Variants in EXOC6B observed in about 807,000 individuals in gnomAD.
EXOC6B encodes SEC15 homolog B.
EXOC6B carries 54 observed loss-of-function variants against 113.5 expected under a neutral mutation model. The ratio of observed to expected loss-of-function variants is 0.48; its 90% CI spans 0.38 to 0.60. EXOC6B has a LOEUF of 0.60. EXOC6B is among the 20% of genes least tolerant of loss of function. The pLI is 0.00. For missense variants in EXOC6B, 797 were observed against 977.5 expected, an observed-to-expected ratio of 0.82 and a Z score of 2.46; for synonymous variants, 357 against 339.0, an observed-to-expected ratio of 1.05 and a Z score of -0.58.
At chr2:72,768,603 C>A (rs2104936127) in intron 1 of EXOC6B, among the ~76,000 whole-genome samples, 2 of 132,588 alleles carry the variant, frequency 1.5e-5, no homozygotes, top group South Asian at 6.4e-4. Flanking sequence ...CTGTGCCCGG[C>A]CTAAGCTTTT....
chr2:72,519,178 T>A (rs964670496), intron 8 of EXOC6B, among the ~76,000 whole-genome samples: 1 of 152,208 alleles, frequency 6.6e-6, no homozygotes, highest in Non-Finnish European at 1.5e-5. Flanking sequence ...AGTTGCCTAA[T>A]GCACATGTTC....
chr2:72,580,413 G>A (rs748846452), intron 6 of EXOC6B, among the ~76,000 whole-genome samples: 78 of 152,154 alleles, frequency 5.1e-4, no homozygotes, highest in Non-Finnish European at 9.3e-4. Flanking sequence ...AAAGTCCTGG[G>A]ATTACAGGTG....
chr2:72,434,662 G>A (rs676078), intron 18 of EXOC6B, among the ~76,000 whole-genome samples: 52,493 of 151,942 alleles, frequency 0.35, 12,904 homozygotes, highest in African/African-American at 0.7. Context: ...GAATTTATCC[G>A]TTTCTTCTAG....
At chr2:72,590,385 G>A (rs150832607) in intron 6 of EXOC6B, among the ~76,000 whole-genome samples, 1 of 151,964 alleles carries the variant, frequency 6.6e-6, no homozygotes, top group Non-Finnish European at 1.5e-5. Flanking sequence ...TTTAAGAAAA[G>A]CTATCAAGAG....
At chr2:72,191,708 A>G (rs1410459619) in intron 20 of EXOC6B, among the ~76,000 whole-genome samples, 1 of 152,220 alleles carries the variant, frequency 6.6e-6, no homozygotes, top group Non-Finnish European at 1.5e-5. Flanking sequence ...AGACAGCATT[A>G]TAATAGTAGA....
At chr2:72,569,050 T>C (rs993447455) in intron 7 of EXOC6B, among the ~76,000 whole-genome samples, 3 of 151,984 alleles carry the variant, frequency 2.0e-5, no homozygotes, top group Non-Finnish European at 2.9e-5. Context: ...AGACTGGGAA[T>C]AAGAAAACCA....
chr2:72,789,785 T>C (rs1189258023), intron 1 of EXOC6B, among the ~76,000 whole-genome samples: 1 of 152,198 alleles, frequency 6.6e-6, no homozygotes, highest in East Asian at 1.9e-4. Context: ...TAATTAATTA[T>C]TGAATCTAGG....
intron 20 of EXOC6B, among the ~76,000 whole-genome samples, chr2:72,211,015 C>T (rs758654334): frequency 1.2e-4 from 18 of 152,284 alleles, no homozygotes; most frequent in Non-Finnish European, 1.9e-4. Context: ...CCTCCGGTTC[C>T]CTCCAGGCAG....
chr2:72,254,102 G>A (rs577183777), intron 20 of EXOC6B, among the ~76,000 whole-genome samples: 4 of 151,892 alleles, frequency 2.6e-5, no homozygotes, highest in South Asian at 2.1e-4. Context: ...GGAGGTTGCA[G>A]TGAGCCGAGA....
At chr2:72,484,146 T>C (rs1341809439) in intron 16 of EXOC6B, among the ~76,000 whole-genome samples, 1 of 152,006 alleles carries the variant, frequency 6.6e-6, no homozygotes, top group African/African-American at 2.4e-5. Context: ...TAATTTCTTT[T>C]TTTTTTTTTT....
At chr2:72,448,514 T>G (rs1039600457) in intron 18 of EXOC6B, among the ~76,000 whole-genome samples, 1 of 152,106 alleles carries the variant, frequency 6.6e-6, no homozygotes, top group African/African-American at 2.4e-5. Flanking sequence ...GGGTAGAAAA[T>G]TAAAGATATC....
intron 17 of EXOC6B, among the ~76,000 whole-genome samples, chr2:72,474,472 TTC>T (rs1417890097): frequency 6.6e-6 from 1 of 152,074 alleles, no homozygotes; most frequent in African/African-American, 2.4e-5. Context: ...TAGTTGTTTT[TTC>T]TTTTATTTTA....
intron 6 of EXOC6B, among the ~76,000 whole-genome samples, chr2:72,622,492 C>G (rs1242164561): frequency 6.6e-6 from 1 of 152,110 alleles, no homozygotes; most frequent in African/African-American, 2.4e-5. Flanking sequence ...GGAGGGTGGA[C>G]AGCTTGGGCT....
intron 5 of EXOC6B, 114 bp downstream of exon 5, chr2:72,730,893 T>TAAG (rs3034989): frequency 0.9 from 562,199 of 626,532 alleles, 252,825 homozygotes; most frequent in East Asian, 0.99. Context: ...TACAAAAGGT[T>TAAG]AAGATGTTAG....
chr2:72,771,923 C>G (rs531940979), intron 1 of EXOC6B, among the ~76,000 whole-genome samples: 1 of 152,080 alleles, frequency 6.6e-6, no homozygotes, highest in Non-Finnish European at 1.5e-5. Context: ...AACTGAGGAG[C>G]GATGTCAGCA....
intron 18 of EXOC6B, among the ~76,000 whole-genome samples, chr2:72,430,481 A>G (rs1695460347): frequency 6.6e-6 from 1 of 152,136 alleles, no homozygotes; most frequent in Non-Finnish European, 1.5e-5. Context: ...CTAAAAATAC[A>G]AATAAAAAAA....
chr2:72,644,053 A>G (rs947179506), intron 6 of EXOC6B, among the ~76,000 whole-genome samples: 1 of 152,148 alleles, frequency 6.6e-6, no homozygotes, highest in Non-Finnish European at 1.5e-5. Context: ...CCTTGAAAAA[A>G]GGTTAGACGA....
intron 11 of EXOC6B, among the ~76,000 whole-genome samples, chr2:72,502,446 G>A (rs1241693778): frequency 2.0e-5 from 3 of 152,148 alleles, no homozygotes; most frequent in African/African-American, 7.2e-5. Flanking sequence ...TACTCATGAG[G>A]CTGAGGCACG....
intron 1 of EXOC6B, among the ~76,000 whole-genome samples, chr2:72,768,251 T>C (rs1287677119): frequency 1.3e-5 from 2 of 148,874 alleles, no homozygotes; most frequent in Non-Finnish European, 3.0e-5. Flanking sequence ...ATGCAGCCTC[T>C]AAGAAACTCA....
Sources: gnomAD v4.1 joint callset for allele counts (sites outside exome capture counted in the v4.1 genomes callset) on GRCh38, gnomAD v4.1.1 for gene constraint, MANE v1.5 for transcripts, NCBI Gene and HGNC (gene_info 2026-07-23, HGNC 2026-07-21) for gene names.